TMEM132D: variants seen among roughly 807,000 people sequenced by gnomAD.
The protein encoded by TMEM132D is transmembrane protein 132D.
Under a neutral mutation model 62.3 loss-of-function variants are expected in TMEM132D, and 21 were observed. That is an observed-to-expected ratio of 0.34 (90% CI 0.24 to 0.49). The LOEUF (loss-of-function observed/expected upper bound fraction) is 0.49. Ranked by LOEUF, TMEM132D falls within the 20% of genes least tolerant of loss-of-function variation. TMEM132D has a pLI of 0.99. For missense variants in TMEM132D, 1,346 were observed against 1,402.8 expected (o/e 0.96, Z 0.65); for synonymous variants, 621 against 575.6 (o/e 1.08, Z -1.13).
At chr12:129,274,053 T>C (rs1051276947) in intron 4 of TMEM132D, among the ~76,000 whole-genome samples, 9 of 151,946 alleles carry the variant, frequency 5.9e-5, no homozygotes, top group Non-Finnish European at 8.8e-5. Context: ...ATACATTCTC[T>C]TGGATGTGAG....
chr12:129,552,781 G>A (rs925569202), intron 2 of TMEM132D, among the ~76,000 whole-genome samples: 8 of 151,810 alleles, frequency 5.3e-5, no homozygotes, highest in East Asian at 1.9e-4. Context: ...ATCTAGCTAC[G>A]TACCTACCTA....
chr12:129,898,455 A>G (rs1400169975), intron 1 of TMEM132D, among the ~76,000 whole-genome samples: 1 of 152,242 alleles, frequency 6.6e-6, no homozygotes, highest in Non-Finnish European at 1.5e-5. Context: ...AGATATTCAC[A>G]TCCAAATCCC....
chr12:129,583,564 C>T (rs531614268), intron 2 of TMEM132D, among the ~76,000 whole-genome samples: 2 of 152,262 alleles, frequency 1.3e-5, no homozygotes, highest in South Asian at 2.1e-4. Flanking sequence ...CTAGGCACTG[C>T]GGGTGAGAGG....
chr12:129,578,068 G>C (rs1337287780), intron 2 of TMEM132D, among the ~76,000 whole-genome samples: 8 of 152,114 alleles, frequency 5.3e-5, no homozygotes, highest in African/African-American at 1.9e-4. Flanking sequence ...CTTGAGCTGG[G>C]ACATCTGTTT....
At chr12:129,188,764 AG>A (rs1878296046) in intron 5 of TMEM132D, among the ~76,000 whole-genome samples, 2 of 2,216 alleles carry the variant, frequency 9.0e-4, no homozygotes, top group Non-Finnish European at 7.6e-3. Context: ...GGAGAGAGGG[AG>A]AGAGAGAGAG....
At chr12:129,118,304 C>T (rs992952594) in intron 5 of TMEM132D, among the ~76,000 whole-genome samples, 3 of 152,204 alleles carry the variant, frequency 2.0e-5, no homozygotes, top group African/African-American at 7.2e-5. Context: ...AAAGGTGGTG[C>T]TTTGAGTTAT....
chr12:129,288,982 A>G (rs1881373626), intron 4 of TMEM132D, among the ~76,000 whole-genome samples: 2 of 152,294 alleles, frequency 1.3e-5, no homozygotes, highest in South Asian at 4.1e-4. Flanking sequence ...CAGTCACAGA[A>G]GGACAAATAC....
intron 5 of TMEM132D, among the ~76,000 whole-genome samples, chr12:129,198,979 A>G (rs1307870558): frequency 3.3e-5 from 5 of 152,144 alleles, no homozygotes; most frequent in African/African-American, 1.2e-4. Flanking sequence ...TGATAAAAAT[A>G]TCTATTTCAT....
rs187934986 is a variant in TMEM132D, at chr12:129,378,911, G to A, written c.1116-41094C>T. Among the ~76,000 whole-genome samples, 457 of 152,208 alleles carry A rather than the reference G, an allele frequency of 3.0e-3. 3 individuals carry two copies. Among genetic ancestry groups the A allele is most frequent in the Non-Finnish European group, 2.7e-3 (186 of 68,016 alleles). On this transcript the variant is annotated intron_variant, in intron 3 of 8. Coordinates refer to ENST00000422113, the MANE Select transcript of TMEM132D (RefSeq NM_133448.3). ...AGGAAAATAACAAATGCAATGTCTCGGCGTTCTTTTCAACCACAATGTGCC... is the reference window on the plus strand; with the variant it reads ...AGGAAAATAACAAATGCAATGTCTCAGCGTTCTTTTCAACCACAATGTGCC...
At chr12:129,092,299 T>C (rs947419378) in intron 5 of TMEM132D, among the ~76,000 whole-genome samples, 21 of 113,336 alleles carry the variant, frequency 1.9e-4, no homozygotes, top group African/African-American at 5.7e-4. Context: ...TATTTCTCTC[T>C]TTCCTTTTTT....
chr12:129,207,730 T>G (rs1878896672), intron 5 of TMEM132D, among the ~76,000 whole-genome samples: 1 of 151,114 alleles, frequency 6.6e-6, no homozygotes, highest in Non-Finnish European at 1.5e-5. Flanking sequence ...TACTTTGGCT[T>G]TTACTGTGAG....
chr12:129,880,782 A>C (rs1874566199), intron 1 of TMEM132D, among the ~76,000 whole-genome samples: 1 of 150,220 alleles, frequency 6.7e-6, no homozygotes, highest in African/African-American at 2.5e-5. Flanking sequence ...TATTCTAAGA[A>C]GCATGCAGAG....
intron 2 of TMEM132D, among the ~76,000 whole-genome samples, chr12:129,665,264 G>A (rs1004721724): frequency 6.6e-6 from 1 of 152,112 alleles, no homozygotes; most frequent in Non-Finnish European, 1.5e-5. Flanking sequence ...TCCAAGGAAA[G>A]CTGGCCCAAA....
At position 129,651,100 on chromosome 12, in the gene TMEM132D, C is replaced by A. The variant is rs145955557; in HGVS notation, c.968+48710G>T. On this transcript the variant is annotated intron_variant, in intron 2 of 8. Coordinates refer to ENST00000422113, the MANE Select transcript of TMEM132D (RefSeq NM_133448.3). The stretch of plus-strand genomic sequence containing the variant: ...TGAAGCTTTGACTAGTTGCTGTATT[C>A]CTTTCTGGATCTGCCAATAAGTTTG... 2.7e-3 allele frequency among the ~76,000 whole-genome samples: 406 copies of A among 152,212 alleles called. 17 individuals carry two copies. The South Asian group carries it at 0.069, about 26-fold the overall frequency.
chr12:129,435,844 T>A (rs1041837547), intron 3 of TMEM132D, among the ~76,000 whole-genome samples: 1 of 152,222 alleles, frequency 6.6e-6, no homozygotes, highest in African/African-American at 2.4e-5. Context: ...GATTATCAAA[T>A]ATCGTTTCTT....
intron 2 of TMEM132D, among the ~76,000 whole-genome samples, chr12:129,611,517 T>C (rs565586457): frequency 6.6e-6 from 1 of 152,192 alleles, no homozygotes; most frequent in African/African-American, 2.4e-5. Context: ...CCAAGGCATA[T>C]TTTAAGTGTA....
chr12:129,247,207 C>T (rs1880144658), intron 4 of TMEM132D, among the ~76,000 whole-genome samples: 1 of 152,182 alleles, frequency 6.6e-6, no homozygotes. Flanking sequence ...TTATATCTTT[C>T]TAACTCTTCA....
At position 129,073,233 on chromosome 12, in the gene TMEM132D, C is replaced by G. The variant is rs1312081186; in HGVS notation, c.*642G>C. 1.3e-5 allele frequency: 2 copies of G among 152,312 alleles called. No individual in the cohort carries two copies. The highest frequency in any genetic ancestry group is 6.5e-5 in the Admixed American group (1 of 15,298). The allele number at this position is 152,312 out of a possible 1,614,324, so 9.4% of individuals were successfully genotyped here. A position where few individuals can be genotyped will look rare whatever the true frequency, so the allele number is the denominator to read the frequency against. On this transcript the variant is annotated 3_prime_UTR_variant, in exon 9 of 9. Coordinates refer to ENST00000422113, the MANE Select transcript of TMEM132D (RefSeq NM_133448.3). ...TGTGTTTGTCCTTGGCATGTAGTTACAAAGGTATTTGTGGCCTGTTAGCCC... is the reference window on the plus strand; with the variant it reads ...TGTGTTTGTCCTTGGCATGTAGTTAGAAAGGTATTTGTGGCCTGTTAGCCC...
chr12:129,632,379 A>C (rs1260430989), intron 2 of TMEM132D, among the ~76,000 whole-genome samples: 16 of 152,316 alleles, frequency 1.1e-4, no homozygotes, highest in Non-Finnish European at 8.8e-5. Context: ...AAAACAAGGA[A>C]GACATATTAT....
Sources: gnomAD v4.1 joint callset for allele counts (sites outside exome capture counted in the v4.1 genomes callset) on GRCh38, gnomAD v4.1.1 for gene constraint, MANE v1.5 for transcripts, NCBI Gene and HGNC (gene_info 2026-07-23, HGNC 2026-07-21) for gene names.